Variants in CHST11 observed in about 807,000 individuals in gnomAD.
CHST11 encodes carbohydrate sulfotransferase 11.
Under a neutral mutation model 30.4 loss-of-function variants are expected in CHST11, and 9 were observed. The ratio of observed to expected loss-of-function variants is 0.30; its 90% CI spans 0.18 to 0.52. The LOEUF (loss-of-function observed/expected upper bound fraction) is 0.52, where lower values mean the gene tolerates loss of function less well. CHST11 is among the 20% of genes least tolerant of loss of function. The probability of loss-of-function intolerance (pLI) is 0.97; values close to 1 mark genes in which losing one functional copy is unlikely to be tolerated. For missense variants in CHST11, 348 were observed against 460.6 expected, an observed-to-expected ratio of 0.76 and a Z score of 2.24; for synonymous variants, 152 against 187.8, an observed-to-expected ratio of 0.81 and a Z score of 1.56.
At chr12:104,581,257 G>A (rs922211565) in intron 1 of CHST11, among the ~76,000 whole-genome samples, 1 of 152,118 alleles carries the variant, frequency 6.6e-6, no homozygotes, top group Non-Finnish European at 1.5e-5. Flanking sequence ...TCTGCTGGGG[G>A]AACAACCTCA....
intron 1 of CHST11, among the ~76,000 whole-genome samples, chr12:104,526,263 C>T (rs917511181): frequency 3.3e-5 from 5 of 151,618 alleles, no homozygotes; most frequent in Non-Finnish European, 5.9e-5. Context: ...GAGAATTTCT[C>T]TTGGTGTTTT....
At chr12:104,597,428 G>C (rs2038916274) in intron 1 of CHST11, among the ~76,000 whole-genome samples, 2 of 152,052 alleles carry the variant, frequency 1.3e-5, no homozygotes, top group Admixed American at 6.6e-5. Context: ...AGGGCCTCAG[G>C]GATTTCTTTT....
chr12:104,660,074 T>C (rs560418708), intron 2 of CHST11, among the ~76,000 whole-genome samples: 68 of 152,348 alleles, frequency 4.5e-4, no homozygotes, highest in African/African-American at 1.4e-3. Flanking sequence ...ATTATACTTC[T>C]ATTGGACTGT....
intron 2 of CHST11, among the ~76,000 whole-genome samples, chr12:104,662,489 C>G (rs1653091048): frequency 6.6e-6 from 1 of 152,100 alleles, no homozygotes. Flanking sequence ...TTAGCCAATT[C>G]CCAGTCATGA....
In CHST11 at chr12:104,757,349, A is replaced by G. The variant is rs201004289; in HGVS notation, c.605A>G (p.Gln202Arg). ...LVSAYRNKFT[Q>R]KYNISFHKRY... ...TCCGCCTACCGCAACAAGTTCACCC[A>G]GAAGTACAACATCTCCTTCCACAAG... The change falls in exon 3 of 3, where the codon CAG becomes CGG. Residue 202 changes from glutamine to arginine, a missense_variant. This residue lies in a region of CHST11 where 210 missense variants were observed against 287.2 expected (regional missense o/e 0.73). Coordinates refer to ENST00000303694, the MANE Select transcript of CHST11 (RefSeq NM_018413.6). The surrounding 1 kb of genome is among the most constrained non-coding windows in gnomAD (Gnocchi z 6.5). 3 of 1,614,176 alleles carry G rather than the reference A, an allele frequency of 1.9e-6. No homozygotes were observed. Among genetic ancestry groups the G allele is most frequent in the East Asian group, 2.2e-5 (1 of 44,880 alleles).
intron 2 of CHST11, among the ~76,000 whole-genome samples, chr12:104,696,713 C>G (rs563240199): frequency 1.5e-3 from 232 of 152,090 alleles, no homozygotes; most frequent in Non-Finnish European, 2.0e-3. Flanking sequence ...AGGTAGAAAT[C>G]TCTTTTGAAT....
intron 1 of CHST11, among the ~76,000 whole-genome samples, chr12:104,541,307 T>G (rs1423375340): frequency 6.6e-6 from 1 of 152,214 alleles, no homozygotes; most frequent in Non-Finnish European, 1.5e-5. Flanking sequence ...CTCGTGTCAG[T>G]GAAGTTGACA....
intron 1 of CHST11, among the ~76,000 whole-genome samples, chr12:104,481,594 C>T (rs1306640999): frequency 6.6e-6 from 1 of 151,846 alleles, no homozygotes; most frequent in African/African-American, 2.4e-5. Flanking sequence ...TCTCACGCGT[C>T]GATGGGGGGC....
chr12:104,521,446 C>A (rs888735578), intron 1 of CHST11, among the ~76,000 whole-genome samples: 2 of 152,158 alleles, frequency 1.3e-5, no homozygotes, highest in Admixed American at 1.3e-4. Context: ...TCAGAGATGG[C>A]AAGGAATTCA....
chr12:104,709,760 G>A (rs990070310), intron 2 of CHST11, among the ~76,000 whole-genome samples: 1 of 152,168 alleles, frequency 6.6e-6, no homozygotes, highest in Non-Finnish European at 1.5e-5. Context: ...AGGGGTAGGG[G>A]GATGGGGACA....
chr12:104,457,144 G>GGCGGCGGA lies in CHST11; in HGVS notation c.-261_-254dup, dbSNP rs2037356929. On this transcript the variant is annotated 5_prime_UTR_variant, in exon 1 of 3. Coordinates refer to ENST00000303694, the MANE Select transcript of CHST11 (RefSeq NM_018413.6). ...GGCGGCCGCCGGCGGGATCGGAGGA[G>GGCGGCGGA]GCGGCGGAGCGGCGAGGAGGAGGAG... The GGCGGCGGA allele has an allele frequency of 3.6e-6, 1 of 281,214 alleles. No homozygotes were observed. The highest frequency in any genetic ancestry group is 6.6e-6 in the Non-Finnish European group (1 of 151,404). 17.4% of individuals were successfully genotyped at this position (281,214 alleles called of 1,614,324 possible).
intron 1 of CHST11, among the ~76,000 whole-genome samples, chr12:104,503,935 G>A (rs1300082401): frequency 6.6e-6 from 1 of 152,194 alleles, no homozygotes; most frequent in African/African-American, 2.4e-5. Flanking sequence ...GATTAAAAAT[G>A]GTAAAATGCT....
At chr12:104,670,619 A>C (rs1018569934) in intron 2 of CHST11, among the ~76,000 whole-genome samples, 1 of 149,288 alleles carries the variant, frequency 6.7e-6, no homozygotes, top group African/African-American at 2.5e-5. Flanking sequence ...ACATCCATAC[A>C]CACGCACTCA....
At chr12:104,587,970 T>C (rs1216759475) in intron 1 of CHST11, among the ~76,000 whole-genome samples, 7 of 152,094 alleles carry the variant, frequency 4.6e-5, no homozygotes, top group Admixed American at 4.6e-4. Context: ...AAATAAATTG[T>C]TCAATTAAGT....
intron 2 of CHST11, among the ~76,000 whole-genome samples, chr12:104,604,630 T>A (rs2038986073): frequency 6.6e-6 from 1 of 152,122 alleles, no homozygotes; most frequent in Non-Finnish European, 1.5e-5. Context: ...TCAGTTGCAG[T>A]TTCTTGTATT....
intron 2 of CHST11, among the ~76,000 whole-genome samples, chr12:104,644,648 C>T (rs1016289469): frequency 6.6e-6 from 1 of 152,240 alleles, no homozygotes; most frequent in African/African-American, 2.4e-5. Flanking sequence ...GGTTTGGAGT[C>T]TCTGGCTGAG....
Position 104,747,529 on chromosome 12 carries a change from G to A in CHST11, c.205-9420G>A, listed in dbSNP as rs898991195. Among the ~76,000 whole-genome samples, 10 of 152,238 alleles carry A rather than the reference G, an allele frequency of 6.6e-5. 1 individual carries two copies. The highest frequency in any genetic ancestry group is 6.5e-5 in the Admixed American group (1 of 15,296). ...CTCATGACTAGCCCTTTTCATGAGA[G>A]TTTAGTAATTCCTCTGCCAGAAAGA... On this transcript the variant is annotated intron_variant, in intron 2 of 2. Transcript: ENST00000303694.
chr12:104,691,182 G>C lies in CHST11; in HGVS notation c.205-65767G>C, dbSNP rs139133040. On this transcript the variant is annotated intron_variant, in intron 2 of 2. Transcript: ENST00000303694. ...GTTTCTCTACTAAGAAAATGTGCCAGTGCCCAATAAGGCACGGGAAGGGTT... is the reference window on the plus strand; with the variant it reads ...GTTTCTCTACTAAGAAAATGTGCCACTGCCCAATAAGGCACGGGAAGGGTT... 9.7e-3 allele frequency among the ~76,000 whole-genome samples: 1,475 copies of C among 152,314 alleles called. 24 individuals carry two copies. Among genetic ancestry groups the C allele is most frequent in the Non-Finnish European group, 0.013 (884 of 68,026 alleles).
Position 104,460,065 on chromosome 12 carries a change from C to T in CHST11, c.118+2536C>T, listed in dbSNP as rs548575995. 5.4e-4 allele frequency among the ~76,000 whole-genome samples: 82 copies of T among 152,296 alleles called. No individual in the cohort carries two copies. The South Asian group carries it at 0.015, about 28-fold the overall frequency. On this transcript the variant is annotated intron_variant, in intron 1 of 2. Coordinates refer to ENST00000303694, the MANE Select transcript of CHST11 (RefSeq NM_018413.6). ...TTTTATTAAGCTACACTGTTAATGA[C>T]CACTGATGTGGAATCTCTTTCACTG...
Sources: allele counts gnomAD v4.1 joint callset (sites outside exome capture counted in the v4.1 genomes callset), GRCh38; gene constraint gnomAD v4.1.1; regional missense constraint gnomAD v4.1.1; non-coding constraint Gnocchi (gnomAD v3.1); transcripts MANE v1.5; gene names NCBI Gene and HGNC (gene_info 2026-07-23, HGNC 2026-07-21).